The following ZNF628 variants were observed in gnomAD, a reference collection of about 807,000 sequenced individuals.
The protein encoded by ZNF628 is zinc finger protein 628.
A neutral mutation model predicts 2.5 loss-of-function variants in ZNF628; 3 were observed. The ratio of observed to expected loss-of-function variants is 1.19; its 90% CI spans 0.54 to 3.07. The LOEUF (loss-of-function observed/expected upper bound fraction) is 3.07. Among genes scored for constraint, ZNF628 ranks in the 30% most tolerant of loss-of-function variants. The probability of loss-of-function intolerance (pLI) is 0.03; values close to 1 mark genes in which losing one functional copy is unlikely to be tolerated. For missense variants in ZNF628, 1,610 were observed against 1,517.1 expected (o/e 1.06, Z -1.02); for synonymous variants, 861 against 717.1 (o/e 1.20, Z -3.21).
intron 1 of ZNF628, among the ~76,000 whole-genome samples, chr19:55,477,131 A>C (rs1986571499): frequency 6.6e-6 from 1 of 152,246 alleles, no homozygotes; most frequent in Non-Finnish European, 1.5e-5. Context: ...TGGTTGCTTC[A>C]AAGCGATCCC....
At chr19:55,477,861 C>A (rs566761599) in intron 1 of ZNF628, among the ~76,000 whole-genome samples, 2 of 152,332 alleles carry the variant, frequency 1.3e-5, no homozygotes, top group South Asian at 2.1e-4. Flanking sequence ...ACACACTCTG[C>A]CAGACATTAT....
rs1250326646 is a variant in ZNF628 at position 55,484,279 on chromosome 19, C to T, written c.3086C>T (p.Ala1029Val). 1 of 1,544,008 alleles carries T rather than the reference C, an allele frequency of 6.5e-7. No individual in the cohort carries two copies. The highest frequency in any genetic ancestry group is 8.7e-7 in the Non-Finnish European group (1 of 1,143,682). The change falls in exon 3 of 3, where the codon GCA (alanine) becomes GTA (valine). Residue 1029 changes from alanine (A) to valine (V), a missense_variant. Transcript: ENST00000598519. ...PASQMVQVVPAGAGPGVMTPQ... is the reference protein window; with the variant it reads ...PASQMVQVVPVGAGPGVMTPQ... ...TCCCAGATGGTGCAAGTGGTCCCCGCAGGAGCTGGGCCTGGTGTTATGACC... is the reference window on the plus strand; with the variant it reads ...TCCCAGATGGTGCAAGTGGTCCCCGTAGGAGCTGGGCCTGGTGTTATGACC...
In ZNF628 at chr19:55,484,131, GC is replaced by G; in HGVS notation, c.2942del (p.Pro981GlnfsTer56). The G allele has an allele frequency of 6.3e-7, 1 of 1,586,296 alleles. No individual in the cohort carries two copies. Among genetic ancestry groups the G allele is most frequent in the Non-Finnish European group, 8.6e-7 (1 of 1,168,652 alleles). Reference sequence around the variant, plus strand: ...ACAGAAACTCCTCATCATCCGCAGCGCCCCAGCCACTGAGCTGCTGGACAGC... The same window carrying G: ...ACAGAAACTCCTCATCATCCGCAGCGCCCAGCCACTGAGCTGCTGGACAGC... ...PGQKLLIIRS[A>X]PATELLDSSN... On this transcript the variant is annotated frameshift_variant, in exon 3 of 3. Coordinates refer to ENST00000598519, the MANE Select transcript of ZNF628 (RefSeq NM_033113.3). LOFTEE classifies it low-confidence loss of function (END_TRUNC).
rs1986788370 is a variant in ZNF628, at chr19:55,483,141, C to G, written c.1948C>G (p.Pro650Ala). Reference protein sequence around the residue: ...HLRTHAPANTPPSTTAPAAGP... With the variant: ...HLRTHAPANTAPSTTAPAAGP... Reference sequence around the variant, plus strand: ...GAGGACGCACGCCCCGGCCAACACGCCTCCCAGCACCACAGCCCCTGCCGC... The same window carrying G: ...GAGGACGCACGCCCCGGCCAACACGGCTCCCAGCACCACAGCCCCTGCCGC... Residue 650 changes from proline to alanine, a missense_variant, in exon 3 of 3, where the codon CCT (proline) becomes GCT (alanine). Transcript: ENST00000598519. 1.3e-6 allele frequency: 2 copies of G among 1,579,598 alleles called. No individual in the cohort carries two copies. The highest frequency in any genetic ancestry group is 2.7e-5 in the African/African-American group (2 of 74,428).
Position 55,481,241 on chromosome 19 carries a change from T to C in ZNF628, c.48T>C (p.Ser16=), listed in dbSNP as rs1275586512. The change falls in exon 3 of 3, where the codon TCT becomes TCC. Residue 16 remains serine, a synonymous_variant. Coordinates refer to ENST00000598519, the MANE Select transcript of ZNF628 (RefSeq NM_033113.3). Reference sequence around the variant, plus strand: ...CCCACGCGGACATGGCGCCGGCCTCTACTGCGGAGGGGGCCGGGGAGAAGC... The same window carrying C: ...CCCACGCGGACATGGCGCCGGCCTCCACTGCGGAGGGGGCCGGGGAGAAGC... The part of the protein sequence containing the change: ...VGSHADMAPA[S]TAEGAGEKPG... The C allele has an allele frequency of 3.8e-6, 6 of 1,579,278 alleles. No homozygotes were observed. The African/African-American group carries it at 4.1e-5, about 11-fold the overall frequency.
chr19:55,477,848 C>T (rs1046955002), intron 1 of ZNF628, among the ~76,000 whole-genome samples: 6 of 152,164 alleles, frequency 3.9e-5, no homozygotes, highest in African/African-American at 4.8e-5. Context: ...TTGTTTACTG[C>T]GCACACACTC....
At position 55,481,675 on chromosome 19, in the gene ZNF628, C is replaced by G. The variant is rs1986704860; in HGVS notation, c.482C>G (p.Ser161Cys). The change falls in exon 3 of 3, where the codon TCC becomes TGC. Residue 161 changes from serine (S) to cysteine (C), a missense_variant. Ser to Cys is a moderately radical substitution (Grantham distance 112). Coordinates refer to ENST00000598519, the MANE Select transcript of ZNF628 (RefSeq NM_033113.3). Reference protein sequence around the residue: ...PDCPKAFKNSSSLRRHRHVHT... With the variant: ...PDCPKAFKNSCSLRRHRHVHT... ...TGCCCCAAGGCCTTCAAGAACTCGTCCAGCCTGCGGCGCCACCGCCACGTG... is the reference window on the plus strand; with the variant it reads ...TGCCCCAAGGCCTTCAAGAACTCGTGCAGCCTGCGGCGCCACCGCCACGTG... 1.2e-6 allele frequency: 2 copies of G among 1,613,342 alleles called. No homozygotes were observed. The highest frequency in any genetic ancestry group is 2.2e-5 in the East Asian group (1 of 44,866).
chr19:55,481,161 A>G, intron 2 of ZNF628, 40 bp from the exon 3 acceptor site: 2 of 1,470,070 alleles, frequency 1.4e-6, no homozygotes, highest in Non-Finnish European at 1.8e-6. Flanking sequence ...GAGATGATCC[A>G]GTGCGGGGGT....
intron 1 of ZNF628, among the ~76,000 whole-genome samples, chr19:55,478,151 C>T (rs754667461): frequency 1.3e-5 from 2 of 152,174 alleles, no homozygotes; most frequent in Admixed American, 1.3e-4. Context: ...GCTCGACACC[C>T]TGCAGTGCAC....
At position 55,483,079 on chromosome 19, in the gene ZNF628, G is replaced by T; in HGVS notation, c.1886G>T (p.Arg629Leu). 1 of 1,608,914 alleles carries T rather than the reference G, an allele frequency of 6.2e-7. No individual in the cohort carries two copies. ...ERPFTCPICG[R>L]GFVMAAYLQR... ...CCCTTCACCTGCCCCATCTGCGGTC[G>T]CGGCTTCGTTATGGCCGCCTATCTG... Residue 629 changes from arginine to leucine, a missense_variant, in exon 3 of 3, where the codon CGC becomes CTC. Physicochemically the swap from Arg to Leu is moderately radical, Grantham distance 102. This residue lies in a region of ZNF628 where 712 missense variants were observed against 603.6 expected (regional missense o/e 1.18). Coordinates refer to ENST00000598519, the MANE Select transcript of ZNF628 (RefSeq NM_033113.3).
rs745741845 is a variant in ZNF628 at position 55,481,405 on chromosome 19, A to G, written c.212A>G (p.Lys71Arg). 2 of 1,612,892 alleles carry G rather than the reference A, an allele frequency of 1.2e-6. No homozygotes were observed. The highest frequency in any genetic ancestry group is 1.7e-6 in the Non-Finnish European group (2 of 1,179,640). Residue 71 changes from lysine (K) to arginine (R), a missense_variant, in exon 3 of 3, where the codon AAG (lysine) becomes AGG (arginine). Lys to Arg is a conservative substitution (Grantham distance 26). Coordinates refer to ENST00000598519, the MANE Select transcript of ZNF628 (RefSeq NM_033113.3). ...ERPYKCPDCP[K>R]AFKGSSALLY... The stretch of plus-strand genomic sequence containing the variant: ...CCCTACAAGTGCCCAGACTGCCCCA[A>G]GGCTTTCAAAGGCTCCTCGGCCCTG...
In ZNF628 at chr19:55,479,342, G is replaced by A. The variant is rs1222154217; in HGVS notation, c.-77-492G>A. On this transcript the variant is annotated intron_variant, in intron 1 of 2. Transcript: ENST00000598519. The surrounding 1 kb of genome is among the most constrained non-coding windows in gnomAD (Gnocchi z 5.1). ...GAAGGGGTTTGCGCTGGGAAAGAGC[G>A]GGCTGACACTTGAGCTGCTCTGCTG... Among the ~76,000 whole-genome samples, 26 of 152,238 alleles carry A rather than the reference G, an allele frequency of 1.7e-4. No homozygotes were observed. The highest frequency in any genetic ancestry group is 1.6e-3 in the Admixed American group (25 of 15,286).
Position 55,481,565 on chromosome 19 carries a change from G to T in ZNF628, c.372G>T (p.Gln124His). The change falls in exon 3 of 3, where the codon CAG becomes CAT. Residue 124 changes from glutamine to histidine, a missense_variant. This residue lies in a region of ZNF628 where 166 missense variants were observed against 241.3 expected (regional missense o/e 0.69). Coordinates refer to ENST00000598519, the MANE Select transcript of ZNF628 (RefSeq NM_033113.3). ...GCCTGCGGGCCTTCATCTGCGGCCA[G>T]TGCGGCCTGGCCTTCAAGTGGTCGT... ...HTGLRAFICG[Q>H]CGLAFKWSSH... The T allele has an allele frequency of 6.2e-7, 1 of 1,612,552 alleles. No homozygotes were observed. Among genetic ancestry groups the T allele is most frequent in the Non-Finnish European group, 8.5e-7 (1 of 1,179,558 alleles).
chr19:55,480,133 G>A (rs1331852859), intron 2 of ZNF628, among the ~76,000 whole-genome samples: 1 of 152,230 alleles, frequency 6.6e-6, no homozygotes, highest in African/African-American at 2.4e-5. Context: ...GATGGTAGAT[G>A]GGCTGGAGTC....
intron 1 of ZNF628, among the ~76,000 whole-genome samples, chr19:55,477,803 C>T (rs938027911): frequency 6.6e-6 from 1 of 152,080 alleles, no homozygotes; most frequent in Non-Finnish European, 1.5e-5. Context: ...TGTAGCTTGT[C>T]CGACGGGGAT....
rs768388302 is a variant in ZNF628 at position 55,484,334 on chromosome 19, C to G, written c.3141C>G (p.Val1047=). 4 of 1,470,970 alleles carry G rather than the reference C, an allele frequency of 2.7e-6. No individual in the cohort carries two copies. In the African/African-American group the frequency reaches 5.7e-5, roughly 21 times the overall value. 91.1% of individuals were successfully genotyped at this position (1,470,970 alleles called of 1,614,324 possible). A position where few individuals can be genotyped will look rare whatever the true frequency, so the allele number is the denominator to read the frequency against. The change falls in exon 3 of 3, where the codon GTC becomes GTG. Residue 1047 remains valine, a synonymous_variant. Coordinates refer to ENST00000598519, the MANE Select transcript of ZNF628 (RefSeq NM_033113.3). Reference sequence around the variant, plus strand: ...AGGGCCTGCCCTCCATCCAGATTGTCCAGACTCTACCCGCAGTCCAGCTGG... The same window carrying G: ...AGGGCCTGCCCTCCATCCAGATTGTGCAGACTCTACCCGCAGTCCAGCTGG... ...TPQGLPSIQI[V]QTLPAVQLVH... is the part of the protein sequence containing the mutation.
Position 55,483,475 on chromosome 19 carries a change from C to G in ZNF628, c.2282C>G (p.Pro761Arg). 6.6e-7 allele frequency: 1 copy of G among 1,522,910 alleles called. No homozygotes were observed. Among genetic ancestry groups the G allele is most frequent in the Non-Finnish European group, 8.8e-7 (1 of 1,137,378 alleles). The allele number at this position is 1,522,910 out of a possible 1,614,324, so 94.3% of individuals were successfully genotyped here. A position where few individuals can be genotyped will look rare whatever the true frequency, so the allele number is the denominator to read the frequency against. Residue 761 changes from proline to arginine, a missense_variant, in exon 3 of 3, where the codon CCG (proline) becomes CGG (arginine). By Grantham distance (103) the Pro-to-Arg change is moderately radical. Around this residue, in one of 5 missense-constraint regions of ZNF628, gnomAD observed 712 missense variants for 603.6 expected, o/e 1.18. Transcript: ENST00000598519. ...GGGGGCGGCCGTGCAAGGCAGGGCC[C>G]GCGGGCAGTGGGGAAAGCGGGCCAG... ...GAGGGRARQG[P>R]RAVGKAGQGA...
intron 1 of ZNF628, among the ~76,000 whole-genome samples, chr19:55,478,802 C>T (rs191842041): frequency 2.4e-4 from 36 of 152,136 alleles, no homozygotes; most frequent in East Asian, 3.9e-4. Context: ...CAGGGGCAAT[C>T]GAGAGAGAGG....
chr19:55,479,722 G>A lies in ZNF628; in HGVS notation c.-77-112G>A. ...TAACAGATAACCCCAAATGCCTCCA[G>A]GCATTGCGGGATGTCCCCTGGGTTG... On this transcript the variant is annotated intron_variant, in intron 1 of 2. Transcript: ENST00000598519. The surrounding 1 kb of genome is among the most constrained non-coding windows in gnomAD (Gnocchi z 5.1). 1 of 388,426 alleles carries A rather than the reference G, an allele frequency of 2.6e-6. No homozygotes were observed. Among genetic ancestry groups the A allele is most frequent in the Non-Finnish European group, 4.5e-6 (1 of 219,860 alleles). 24.1% of individuals were successfully genotyped at this position (388,426 alleles called of 1,614,324 possible). A position where few individuals can be genotyped will look rare whatever the true frequency, so the allele number is the denominator to read the frequency against.
Sources: gnomAD v4.1 joint callset for allele counts (sites outside exome capture counted in the v4.1 genomes callset) on GRCh38, gnomAD v4.1.1 for gene constraint, gnomAD v4.1.1 regional missense constraint, Gnocchi (gnomAD v3.1) non-coding constraint, MANE v1.5 for transcripts, NCBI Gene and HGNC (gene_info 2026-07-23, HGNC 2026-07-21) for gene names.